The following ACOXL variants were observed in gnomAD, a reference collection of about 807,000 sequenced individuals.
The protein encoded by ACOXL is acyl-CoA oxidase like, also known as acyl-coenzyme A oxidase-like protein.
In ACOXL, 70 loss-of-function variants were observed where a neutral mutation model predicts 71.9. That is an observed-to-expected ratio of 0.97 (90% CI 0.80 to 1.19). ACOXL has a LOEUF of 1.19. Ranked by LOEUF, ACOXL falls within the 50% of genes most tolerant of loss-of-function variation. The probability of loss-of-function intolerance (pLI) is 0.00; values close to 1 mark genes in which losing one functional copy is unlikely to be tolerated. For missense variants in ACOXL, 703 were observed against 736.3 expected (o/e 0.95, Z 0.52); for synonymous variants, 253 against 281.6 (o/e 0.90, Z 1.02).
chr2:110,897,532 T>TA, intron 10 of ACOXL, among the ~76,000 whole-genome samples: 1 of 148,714 alleles, frequency 6.7e-6, no homozygotes. Context: ...ACTCCTCTCA[T>TA]CAATCCCTTT....
chr2:110,750,941 T>C (rs1395911892), intron 1 of ACOXL, among the ~76,000 whole-genome samples: 1 of 152,018 alleles, frequency 6.6e-6, no homozygotes, highest in Admixed American at 6.5e-5. Context: ...TGCCTTGGCC[T>C]CCCAAAGTTC....
intron 14 of ACOXL, among the ~76,000 whole-genome samples, chr2:111,005,777 C>T (rs931156539): frequency 6.6e-6 from 1 of 152,086 alleles, no homozygotes; most frequent in African/African-American, 2.4e-5. Flanking sequence ...AGGATGTCCA[C>T]CAATCAGGGA....
At chr2:110,988,206 G>A (rs2063018158) in intron 13 of ACOXL, among the ~76,000 whole-genome samples, 1 of 152,216 alleles carries the variant, frequency 6.6e-6, no homozygotes, top group African/African-American at 2.4e-5. Flanking sequence ...GGGAGGCCAG[G>A]ACAGAAGGAT....
chr2:111,024,239 T>C (rs542480814), intron 14 of ACOXL, among the ~76,000 whole-genome samples: 76 of 152,314 alleles, frequency 5.0e-4, no homozygotes, highest in Non-Finnish European at 5.3e-4. Context: ...GAAAAAGATA[T>C]GTTCAAGTCC....
At position 110,746,840 on chromosome 2, in the gene ACOXL, C is replaced by T. The variant is rs141409603; in HGVS notation, c.-23+14066C>T. On this transcript the variant is annotated intron_variant, in intron 1 of 17. Transcript: ENST00000439055. ...TCCCCCCGCCCTTTAGTTGCCTTCA[C>T]CTGAACCAAAAAAGTTTAGTCTAAG... 4.3e-3 allele frequency among the ~76,000 whole-genome samples: 646 copies of T among 150,400 alleles called. 1 individual carries two copies. Among genetic ancestry groups the T allele is most frequent in the Middle Eastern group, 0.014 (4 of 292 alleles).
intron 14 of ACOXL, among the ~76,000 whole-genome samples, chr2:111,030,409 G>A (rs750235876): frequency 2.6e-5 from 4 of 152,164 alleles, no homozygotes; most frequent in South Asian, 2.1e-4. Flanking sequence ...CCTTTCCCTC[G>A]ATTGTCATGA....
intron 16 of ACOXL, among the ~76,000 whole-genome samples, chr2:111,062,255 A>G (rs1443726952): frequency 6.6e-6 from 1 of 152,082 alleles, no homozygotes; most frequent in Non-Finnish European, 1.5e-5. Context: ...CAAAAGTGTC[A>G]ATCCACCAAG....
chr2:110,835,920 G>A (rs755380977), intron 9 of ACOXL, among the ~76,000 whole-genome samples: 16 of 152,096 alleles, frequency 1.1e-4, no homozygotes, highest in Non-Finnish European at 1.5e-4. Context: ...AAAGTTAATC[G>A]GCCTAAAACA....
At position 111,040,421 on chromosome 2, in the gene ACOXL, T is replaced by A. The variant is rs537006916; in HGVS notation, c.1369+8707T>A. Among the ~76,000 whole-genome samples, 121 of 152,306 alleles carry A rather than the reference T, an allele frequency of 7.9e-4. 1 individual carries two copies. Among genetic ancestry groups the A allele is most frequent in the Non-Finnish European group, 1.8e-4 (12 of 68,014 alleles). ...CTCAGTTATCCTTCGGAAACAATCC[T>A]GATGTGGAGCACCCTTCCTCATTCC... is the stretch of plus-strand genomic sequence containing the variant. On this transcript the variant is annotated intron_variant, in intron 15 of 17. Transcript: ENST00000439055.
At chr2:110,822,600 G>A (rs1414977308) in intron 9 of ACOXL, among the ~76,000 whole-genome samples, 2 of 152,106 alleles carry the variant, frequency 1.3e-5, no homozygotes, top group African/African-American at 4.8e-5. Context: ...TAATACATAT[G>A]TCATACAGTT....
At chr2:111,067,507 A>G (rs952415893) in intron 16 of ACOXL, among the ~76,000 whole-genome samples, 1 of 152,214 alleles carries the variant, frequency 6.6e-6, no homozygotes, top group Non-Finnish European at 1.5e-5. Flanking sequence ...ATAATGAACT[A>G]GAGAAATCAC....
intron 17 of ACOXL, chr2:111,098,999 A>G (rs907622051): frequency 4.6e-5 from 7 of 152,356 alleles, no homozygotes; most frequent in African/African-American, 1.7e-4. Flanking sequence ...AAAGAGAGAC[A>G]TTAAATGACT....
At chr2:111,110,244 T>G (rs958663857) in intron 17 of ACOXL, among the ~76,000 whole-genome samples, 1 of 152,132 alleles carries the variant, frequency 6.6e-6, no homozygotes, top group Non-Finnish European at 1.5e-5. Flanking sequence ...CCTCCTAGAG[T>G]CAGGTTGAGC....
chr2:110,901,937 G>T (rs897576361), intron 10 of ACOXL, among the ~76,000 whole-genome samples: 15 of 151,942 alleles, frequency 9.9e-5, no homozygotes, highest in South Asian at 4.1e-4. Context: ...TGAGGGAGGA[G>T]AATTGCTTGA....
Position 111,092,855 on chromosome 2 carries a change from C to A in ACOXL, c.1441-10C>A. Reference sequence around the variant, plus strand: ...TTTGTCCATTTCTTTTGTTTTCCCCCACCCCTTAGTTTTGTCTGTTGTATG... The same window carrying A: ...TTTGTCCATTTCTTTTGTTTTCCCCAACCCCTTAGTTTTGTCTGTTGTATG... On this transcript the variant is annotated splice_polypyrimidine_tract_variant and intron_variant, in intron 16 of 17. Coordinates refer to ENST00000439055, the MANE Select transcript of ACOXL (RefSeq NM_001142807.4). The A allele has an allele frequency of 6.2e-7, 1 of 1,603,342 alleles. No individual in the cohort carries two copies. Among genetic ancestry groups the A allele is most frequent in the Non-Finnish European group, 8.5e-7 (1 of 1,171,296 alleles).
chr2:110,787,911 A>G (rs971276770), intron 3 of ACOXL, among the ~76,000 whole-genome samples: 1 of 152,204 alleles, frequency 6.6e-6, no homozygotes, highest in Non-Finnish European at 1.5e-5. Context: ...TTTCTGCCAT[A>G]ACGTGTACCC....
chr2:111,104,465 A>C (rs2150061031), intron 17 of ACOXL, among the ~76,000 whole-genome samples: 1 of 152,294 alleles, frequency 6.6e-6, no homozygotes, highest in East Asian at 1.9e-4. Context: ...TCAGTGTAGA[A>C]GTGATCCAGT....
At chr2:111,035,638 A>C (rs965495254) in intron 15 of ACOXL, among the ~76,000 whole-genome samples, 1 of 152,238 alleles carries the variant, frequency 6.6e-6, no homozygotes, top group African/African-American at 2.4e-5. Context: ...TAGAATGTTC[A>C]TATTAAGAGC....
chr2:110,811,730 T>TGCACACACACAC (rs1396925272), intron 9 of ACOXL, among the ~76,000 whole-genome samples: 1 of 101,614 alleles, frequency 9.8e-6, no homozygotes, highest in East Asian at 3.1e-4. Flanking sequence ...TTTTTTTGCA[T>TGCACACACACAC]ACACACACAC....
Sources: allele counts gnomAD v4.1 joint callset (sites outside exome capture counted in the v4.1 genomes callset), GRCh38; gene constraint gnomAD v4.1.1; transcripts MANE v1.5; gene names NCBI Gene and HGNC (gene_info 2026-07-23, HGNC 2026-07-21).